PHLDB2: variants seen among roughly 807,000 people sequenced by gnomAD.
PHLDB2 encodes pleckstrin homology-like domain family B member 2.
In PHLDB2, 71 loss-of-function variants were observed where a neutral mutation model predicts 123.6. The ratio of observed to expected loss-of-function variants is 0.57; its 90% CI spans 0.47 to 0.70. The LOEUF (loss-of-function observed/expected upper bound fraction) is 0.70. Ranked by LOEUF, PHLDB2 falls within the 30% of genes least tolerant of loss-of-function variation. The pLI is 0.00. For missense variants in PHLDB2, 1,446 were observed against 1,519.5 expected (o/e 0.95, Z 0.80); for synonymous variants, 547 against 541.6 (o/e 1.01, Z -0.14).
chr3:111,807,002 C>G (rs1055839285), intron 1 of PHLDB2, among the ~76,000 whole-genome samples: 1 of 151,418 alleles, frequency 6.6e-6, no homozygotes, highest in African/African-American at 2.4e-5. Flanking sequence ...AGTTGCAGGT[C>G]CAGAGCACAC....
intron 11 of PHLDB2, 91 bp downstream of exon 11, chr3:111,952,803 C>A: frequency 7.1e-7 from 1 of 1,413,374 alleles, no homozygotes; most frequent in Non-Finnish European, 9.6e-7. Flanking sequence ...AAGAAAAGTG[C>A]TAAATAATAA....
intron 1 of PHLDB2, among the ~76,000 whole-genome samples, chr3:111,807,864 T>C (rs1352665073): frequency 6.6e-6 from 1 of 152,052 alleles, no homozygotes; most frequent in South Asian, 2.1e-4. Flanking sequence ...GCCAGCTAAA[T>C]TGGGAATTAT....
chr3:111,766,519 TG>T (rs981270849), intron 1 of PHLDB2, among the ~76,000 whole-genome samples: 24 of 152,176 alleles, frequency 1.6e-4, no homozygotes, highest in African/African-American at 4.8e-4. Context: ...AAAAGAGTTT[TG>T]CATGTAATTT....
At chr3:111,915,284 AGTTTGCGT>A (rs2068108684) in intron 3 of PHLDB2, 1 of 152,136 alleles carries the variant, frequency 6.6e-6, no homozygotes, top group Admixed American at 6.5e-5. Context: ...TATTCAGGGG[AGTTTGCGT>A]GTTTGTTTAG....
intron 1 of PHLDB2, among the ~76,000 whole-genome samples, chr3:111,799,274 T>C (rs1489479233): frequency 1.3e-5 from 2 of 152,126 alleles, no homozygotes; most frequent in South Asian, 4.1e-4. Flanking sequence ...ACTCTTATTA[T>C]AATGGGAGAG....
chr3:111,801,875 G>GTGTTT (rs5851788), intron 1 of PHLDB2, among the ~76,000 whole-genome samples: 4 of 151,168 alleles, frequency 2.6e-5, no homozygotes, highest in Admixed American at 1.3e-4. Flanking sequence ...ATGGATATGG[G>GTGTTT]TGTTTTGTTT....
At chr3:111,811,644 A>C (rs1345137231) in intron 1 of PHLDB2, among the ~76,000 whole-genome samples, 1 of 152,008 alleles carries the variant, frequency 6.6e-6, no homozygotes, top group Non-Finnish European at 1.5e-5. Flanking sequence ...ATTCCTCACT[A>C]CACACACACA....
chr3:111,758,934 T>C (rs1367389054), intron 1 of PHLDB2, among the ~76,000 whole-genome samples: 1 of 152,130 alleles, frequency 6.6e-6, no homozygotes, highest in African/African-American at 2.4e-5. Flanking sequence ...TATGTTTTGC[T>C]AATGGGTCCT....
At chr3:111,858,067 A>G (rs1046158863), upstream of PHLDB2, among the ~76,000 whole-genome samples, 1 of 152,250 alleles carries the variant, frequency 6.6e-6, no homozygotes, top group Admixed American at 6.5e-5. Flanking sequence ...GTGCCCATCA[A>G]TGATAGACTG....
intron 1 of PHLDB2, among the ~76,000 whole-genome samples, chr3:111,877,159 T>G (rs1256139676): frequency 6.6e-6 from 1 of 152,258 alleles, no homozygotes; most frequent in African/African-American, 2.4e-5. Flanking sequence ...ACTTCCACAA[T>G]GGTTGAACTA....
intron 1 of PHLDB2, among the ~76,000 whole-genome samples, chr3:111,815,641 C>T (rs2062041840): frequency 6.6e-6 from 1 of 152,144 alleles, no homozygotes; most frequent in Non-Finnish European, 1.5e-5. Context: ...CAAGGGGTGA[C>T]TTGGGTGCTG....
At chr3:111,945,435 A>G (rs376104250) in intron 9 of PHLDB2, 78 bp downstream of exon 9, 2 of 1,086,606 alleles carry the variant, frequency 1.8e-6, no homozygotes, top group Non-Finnish European at 2.8e-6. Context: ...TGATTAGCTG[A>G]ATAATAAAAA....
chr3:111,758,067 G>A (rs1201358188), intron 1 of PHLDB2, among the ~76,000 whole-genome samples: 1 of 152,174 alleles, frequency 6.6e-6, no homozygotes, highest in East Asian at 1.9e-4. Flanking sequence ...GGACCCACTT[G>A]AGGAGGCAGT....
At chr3:111,801,915 T>C (rs56400016) in intron 1 of PHLDB2, among the ~76,000 whole-genome samples, 75,215 of 152,020 alleles carry the variant, frequency 0.49, 20,237 homozygotes, top group Middle Eastern at 0.63. Context: ...ATGATGACAA[T>C]GTTCTGGAAT....
chr3:111,746,633 C>T (rs9850748), intron 1 of PHLDB2, among the ~76,000 whole-genome samples: 28,878 of 151,912 alleles, frequency 0.19, 2,905 homozygotes, highest in African/African-American at 0.21. Context: ...GGTGTGGTGG[C>T]ACATATATGT....
chr3:111,932,332 C>T lies in PHLDB2; in HGVS notation c.2065C>T (p.Gln689Ter). ...LERLQELYSEQKTQLDNCPES... is the reference protein window; with the variant it reads ...LERLQELYSE ...GAGGCTTCAGGAGCTTTACTCCGAG[C>T]AGAAGACCCAGCTGGACAATTGTCC... The change falls in exon 6 of 18, where the codon CAG (glutamine) becomes TAG (stop). Residue 689 changes from glutamine to a stop codon, truncating the protein, a stop_gained. Transcript: ENST00000431670. LOFTEE classifies it high-confidence loss of function. 1 of 1,551,602 alleles carries T rather than the reference C, an allele frequency of 6.4e-7. No individual in the cohort carries two copies. Among genetic ancestry groups the T allele is most frequent in the South Asian group, 1.2e-5 (1 of 84,018 alleles).
intron 2 of PHLDB2, among the ~76,000 whole-genome samples, chr3:111,897,676 A>G (rs2066953301): frequency 6.6e-6 from 1 of 152,256 alleles, no homozygotes; most frequent in Non-Finnish European, 1.5e-5. Context: ...AATTTCTCAT[A>G]TGGTGATTAT....
At chr3:111,934,011 T>C (rs1365771953) in intron 6 of PHLDB2, among the ~76,000 whole-genome samples, 11 of 152,222 alleles carry the variant, frequency 7.2e-5, no homozygotes, top group Non-Finnish European at 1.3e-4. Flanking sequence ...TAATCTAGAT[T>C]CTGTAGGATA....
At chr3:111,925,936 C>T (rs945970469) in intron 5 of PHLDB2, among the ~76,000 whole-genome samples, 2 of 152,170 alleles carry the variant, frequency 1.3e-5, no homozygotes, top group African/African-American at 4.8e-5. Context: ...GTCAGTTGTA[C>T]CAAAATTAAA....
Sources: allele counts gnomAD v4.1 joint callset (sites outside exome capture counted in the v4.1 genomes callset), GRCh38; gene constraint gnomAD v4.1.1; transcripts MANE v1.5; gene names NCBI Gene and HGNC (gene_info 2026-07-23, HGNC 2026-07-21).